The following PPP1R16B variants were observed in gnomAD, a reference collection of about 807,000 sequenced individuals.
PPP1R16B encodes the protein protein phosphatase 1 regulatory inhibitor subunit 16B.
In PPP1R16B, 14 loss-of-function variants were observed where a neutral mutation model predicts 61.7. The observed-to-expected ratio is 0.23, with a 90% CI of 0.15 to 0.35. The LOEUF is 0.35. Ranked by LOEUF, PPP1R16B falls within the 10% of genes least tolerant of loss-of-function variation. PPP1R16B has a pLI of 1.00. For missense variants in PPP1R16B, 547 were observed against 752.5 expected (o/e 0.73, Z 3.19); for synonymous variants, 266 against 305.3 (o/e 0.87, Z 1.34).
At chr20:38,827,478 G>T (rs2084811840) in intron 1 of PPP1R16B, among the ~76,000 whole-genome samples, 1 of 152,192 alleles carries the variant, frequency 6.6e-6, no homozygotes, top group Non-Finnish European at 1.5e-5. Flanking sequence ...GCTAAATGGG[G>T]TTATAGTCAA....
At chr20:38,871,444 T>C (rs2085128429) in intron 2 of PPP1R16B, among the ~76,000 whole-genome samples, 1 of 152,006 alleles carries the variant, frequency 6.6e-6, no homozygotes, top group South Asian at 2.1e-4. Context: ...TGTGGACACC[T>C]GCTTTGTGCC....
chr20:38,893,764 C>T (rs186663286), intron 3 of PPP1R16B, among the ~76,000 whole-genome samples: 2 of 152,208 alleles, frequency 1.3e-5, no homozygotes, highest in African/African-American at 4.8e-5. Flanking sequence ...TGGTCCAGCC[C>T]CTGGACATCT....
chr20:38,861,219 G>C (rs1301766221), intron 2 of PPP1R16B, among the ~76,000 whole-genome samples: 1 of 152,170 alleles, frequency 6.6e-6, no homozygotes, highest in Non-Finnish European at 1.5e-5. Context: ...TGTCCCCTCT[G>C]TAAAACGGAA....
intron 5 of PPP1R16B, 66 bp downstream of exon 5, chr20:38,900,750 A>G: frequency 8.0e-7 from 1 of 1,255,204 alleles, no homozygotes. Context: ...CCCTTAAATC[A>G]ATGCAGGCGA....
chr20:38,869,931 T>A (rs139918281), intron 2 of PPP1R16B, among the ~76,000 whole-genome samples: 2,740 of 151,672 alleles, frequency 0.018, 30 homozygotes, highest in Middle Eastern at 0.027. Flanking sequence ...TATTTATTTT[T>A]TTTTTTTTTT....
Position 38,824,058 on chromosome 20 carries a change from G to A in PPP1R16B, c.-101-11767G>A, listed in dbSNP as rs140480312. On this transcript the variant is annotated intron_variant, in intron 1 of 10. Coordinates refer to ENST00000299824, the MANE Select transcript of PPP1R16B (RefSeq NM_015568.4). ...CAACTGGAACATCAGCCCTAGTTAC[G>A]AGTTCCCTAACCTCTCCGAGTCCCA... 3.7e-3 allele frequency among the ~76,000 whole-genome samples: 556 copies of A among 152,242 alleles called. 4 individuals carry two copies. The highest frequency in any genetic ancestry group is 7.3e-3 in the Admixed American group (112 of 15,286).
At position 38,863,291 on chromosome 20, in the gene PPP1R16B, G is replaced by A. The variant is rs77052919; in HGVS notation, c.251-26304G>A. ...TGACCGCAGAGACCTGATGCACCTC[G>A]TACTTCCCCTCCTGTCTGTGAAGCA... is the stretch of plus-strand genomic sequence containing the variant. On this transcript the variant is annotated intron_variant, in intron 2 of 10. Coordinates refer to ENST00000299824, the MANE Select transcript of PPP1R16B (RefSeq NM_015568.4). Among the ~76,000 whole-genome samples, 667 of 152,232 alleles carry A rather than the reference G, an allele frequency of 4.4e-3. 3 individuals carry two copies. The highest frequency in any genetic ancestry group is 5.4e-3 in the Non-Finnish European group (370 of 68,020).
chr20:38,908,278 A>T, intron 10 of PPP1R16B, 85 bp downstream of exon 10: 1 of 1,510,092 alleles, frequency 6.6e-7, no homozygotes, highest in Non-Finnish European at 9.0e-7. Flanking sequence ...TCTTCAACTG[A>T]GAGCCTTCAG....
At position 38,895,545 on chromosome 20, in the gene PPP1R16B, T is replaced by C. The variant is rs781664009; in HGVS notation, c.322-20T>C. On this transcript the variant is annotated intron_variant, in intron 3 of 10. Transcript: ENST00000299824. ...CCAGTGCCCTGCCTGGAGCTGACTCTGCCTGTGTGTCTCTCCCAGTGCTGC... is the reference window on the plus strand; with the variant it reads ...CCAGTGCCCTGCCTGGAGCTGACTCCGCCTGTGTGTCTCTCCCAGTGCTGC... 10 of 1,612,328 alleles carry C rather than the reference T, an allele frequency of 6.2e-6. No individual in the cohort carries two copies. In the African/African-American group the frequency reaches 1.2e-4, roughly 19 times the overall value.
At chr20:38,894,445 ACGTGCACACATGTACGTGGG>A (rs2085319401) in intron 3 of PPP1R16B, among the ~76,000 whole-genome samples, 2 of 152,184 alleles carry the variant, frequency 1.3e-5, no homozygotes, top group Non-Finnish European at 2.9e-5. Flanking sequence ...TCCCCTCCCA[ACGTGCACACATGTACGTGGG>A]CGTGCACGCG....
At chr20:38,855,113 C>T (rs2084995568) in intron 2 of PPP1R16B, among the ~76,000 whole-genome samples, 1 of 152,084 alleles carries the variant, frequency 6.6e-6, no homozygotes, top group South Asian at 2.1e-4. Context: ...TGCAGAGTCT[C>T]TAAAAGAAAA....
intron 10 of PPP1R16B, among the ~76,000 whole-genome samples, chr20:38,908,861 G>C (rs1013797253): frequency 1.2e-4 from 18 of 152,210 alleles, no homozygotes; most frequent in Non-Finnish European, 2.4e-4. Flanking sequence ...GGCTCTCAAG[G>C]GGATTCTGTT....
At chr20:38,906,941 T>G (rs1367952678) in intron 7 of PPP1R16B, 38 bp from the exon 8 acceptor site, 1 of 1,577,068 alleles carries the variant, frequency 6.3e-7, no homozygotes, top group Non-Finnish European at 8.7e-7. Flanking sequence ...TTCTGAGCTC[T>G]GGGCAGGGGG....
intron 5 of PPP1R16B, among the ~76,000 whole-genome samples, chr20:38,901,324 G>A (rs1181466315): frequency 2.6e-5 from 4 of 152,216 alleles, no homozygotes; most frequent in Non-Finnish European, 5.9e-5. Flanking sequence ...CTTGTTCCTT[G>A]CACCCAGATC....
intron 2 of PPP1R16B, among the ~76,000 whole-genome samples, chr20:38,859,007 C>A (rs973364896): frequency 1.3e-5 from 2 of 152,146 alleles, no homozygotes; most frequent in Non-Finnish European, 2.9e-5. Flanking sequence ...GATGATGTCT[C>A]AGAGCTCCAA....
intron 2 of PPP1R16B, among the ~76,000 whole-genome samples, chr20:38,878,665 CAT>C: frequency 6.6e-6 from 1 of 152,296 alleles, no homozygotes; most frequent in Admixed American, 6.5e-5. Context: ...GGGATTGAGG[CAT>C]CCCAGGGATC....
At chr20:38,857,268 C>T (rs1187834181) in intron 2 of PPP1R16B, among the ~76,000 whole-genome samples, 1 of 152,206 alleles carries the variant, frequency 6.6e-6, no homozygotes, top group East Asian at 1.9e-4. Flanking sequence ...TGACAGCCAT[C>T]CTTTCCAGCA....
intron 2 of PPP1R16B, among the ~76,000 whole-genome samples, chr20:38,843,382 A>G (rs924159571): frequency 2.2e-4 from 34 of 152,362 alleles, no homozygotes; most frequent in African/African-American, 7.7e-4. Context: ...ATAAGGTTGC[A>G]GTCACTTCAG....
At chr20:38,846,662 C>A (rs919707621) in intron 2 of PPP1R16B, among the ~76,000 whole-genome samples, 1 of 152,158 alleles carries the variant, frequency 6.6e-6, no homozygotes, top group African/African-American at 2.4e-5. Context: ...AGGCCATTCC[C>A]AATTTTTGCT....
Sources: allele counts gnomAD v4.1 joint callset (sites outside exome capture counted in the v4.1 genomes callset), GRCh38; gene constraint gnomAD v4.1.1; transcripts MANE v1.5; gene names NCBI Gene and HGNC (gene_info 2026-07-23, HGNC 2026-07-21).